ARMC6: variants seen among roughly 807,000 people sequenced by gnomAD.
The protein encoded by ARMC6 is armadillo repeat containing 6.
A neutral mutation model predicts 49.2 loss-of-function variants in ARMC6; 43 were observed. That is an observed-to-expected ratio of 0.87 (90% CI 0.69 to 1.13). The LOEUF (loss-of-function observed/expected upper bound fraction) is 1.13. Among genes scored for constraint, ARMC6 ranks in the 50% most tolerant of loss-of-function variants. The probability of loss-of-function intolerance (pLI) is 0.00; values close to 1 mark genes in which losing one functional copy is unlikely to be tolerated. For missense variants in ARMC6, 627 were observed against 682.0 expected (o/e 0.92, Z 0.90); for synonymous variants, 262 against 289.6 (o/e 0.90, Z 0.97).
rs2059559725 is a variant in ARMC6, at chr19:19,058,061, T to G, written c.*433T>G. On this transcript the variant is annotated 3_prime_UTR_variant, in exon 9 of 9. Coordinates refer to ENST00000535612, the MANE Select transcript of ARMC6 (RefSeq NM_001199196.2). ...TCATGCAGGCCTCTGCTCCTTGTCT[T>G]TCTTACCTGTAAAATGGGTCTCAGA... The G allele has an allele frequency of 3.8e-6, 1 of 263,360 alleles. No individual in the cohort carries two copies. The highest frequency in any genetic ancestry group is 4.0e-5 in the South Asian group (1 of 25,066). The allele number at this position is 263,360 out of a possible 1,614,324, so 16.3% of individuals were successfully genotyped here.
chr19:19,053,945 G>A (rs2059520956), intron 5 of ARMC6, among the ~76,000 whole-genome samples: 1 of 151,878 alleles, frequency 6.6e-6, no homozygotes, highest in Non-Finnish European at 1.5e-5. Context: ...GGGTTGGGGG[G>A]CACATTCTTA....
chr19:19,040,425 G>C (rs542182724), intron 2 of ARMC6, among the ~76,000 whole-genome samples: 6 of 152,146 alleles, frequency 3.9e-5, no homozygotes, highest in Non-Finnish European at 7.4e-5. Context: ...TTAAGTGCTA[G>C]GTTTTTTTTA....
Position 19,033,779 on chromosome 19 carries a change from C to G in ARMC6, c.-231C>G, listed in dbSNP as rs2059295075. 4.0e-6 allele frequency: 1 copy of G among 249,942 alleles called. No homozygotes were observed. The highest frequency in any genetic ancestry group is 7.7e-6 in the Non-Finnish European group (1 of 130,584). The allele number at this position is 249,942 out of a possible 1,614,324, so 15.5% of individuals were successfully genotyped here. A position where few individuals can be genotyped will look rare whatever the true frequency, so the allele number is the denominator to read the frequency against. On this transcript the variant is annotated 5_prime_UTR_variant, in exon 1 of 9. Transcript: ENST00000535612. ...GGCTTTACCTTGGTTCGCGGTCGTC[C>G]TTGGTTATCGTGAGCGTCCGCGAGT...
In ARMC6 at chr19:19,042,735, G is replaced by A. The variant is rs750236671; in HGVS notation, c.54G>A (p.Thr18=). Residue 18 remains threonine (T), a synonymous_variant, in exon 3 of 9, where the codon ACG becomes ACA. Coordinates refer to ENST00000535612, the MANE Select transcript of ARMC6 (RefSeq NM_001199196.2). ...GCTCAGGAGCATCTATCGGCTGCAC[G>A]CCAACATCAACACAGGCGAAGATGG... is the stretch of plus-strand genomic sequence containing the variant. ...RYSSGASIGC[T]PTSTQAKMVS... The A allele has an allele frequency of 3.7e-6, 6 of 1,613,070 alleles. No individual in the cohort carries two copies. Among genetic ancestry groups the A allele is most frequent in the South Asian group, 3.3e-5 (3 of 91,080 alleles).
At chr19:19,050,371 C>T (rs79101888) in intron 4 of ARMC6, among the ~76,000 whole-genome samples, 3,574 of 152,248 alleles carry the variant, frequency 0.023, 135 homozygotes, top group African/African-American at 0.082. Flanking sequence ...TGATGGGTCA[C>T]ACAGTAATTC....
chr19:19,037,980 A>G (rs1322042160), intron 2 of ARMC6, among the ~76,000 whole-genome samples: 1 of 152,160 alleles, frequency 6.6e-6, no homozygotes, highest in African/African-American at 2.4e-5. Context: ...CTTCATCTGT[A>G]TTTACAGCAA....
chr19:19,047,295 A>G (rs1281177317), intron 4 of ARMC6, among the ~76,000 whole-genome samples: 1 of 152,048 alleles, frequency 6.6e-6, no homozygotes. Context: ...CCCCTTCTCA[A>G]ATGCCCTGCA....
At chr19:19,043,927 C>A (rs2059429196) in intron 3 of ARMC6, 65 bp from the exon 4 acceptor site, 2 of 1,484,386 alleles carry the variant, frequency 1.3e-6, no homozygotes, top group Non-Finnish European at 1.9e-6. Context: ...CCAGCAGGCC[C>A]ACGGGGATGA....
intron 2 of ARMC6, among the ~76,000 whole-genome samples, chr19:19,034,962 G>GGCCATTCT (rs2059340494): frequency 6.8e-6 from 1 of 147,714 alleles, no homozygotes; most frequent in South Asian, 2.2e-4. Context: ...CCTGGGTTCA[G>GGCCATTCT]GCCATTCTCC....
intron 4 of ARMC6, among the ~76,000 whole-genome samples, chr19:19,045,233 G>A (rs899953663): frequency 3.3e-5 from 5 of 151,994 alleles, no homozygotes; most frequent in African/African-American, 4.8e-5. Context: ...GGCTGGTCTC[G>A]AACTCCTGAC....
At chr19:19,056,048 T>C in intron 8 of ARMC6, 120 bp downstream of exon 8, 1 of 1,185,198 alleles carries the variant, frequency 8.4e-7, no homozygotes, top group South Asian at 1.9e-5. Context: ...TCAGTCCCTA[T>C]CCCTATCCCT....
intron 4 of ARMC6, among the ~76,000 whole-genome samples, chr19:19,044,948 CGTT>C (rs2059437412): frequency 6.6e-6 from 1 of 152,272 alleles, no homozygotes; most frequent in East Asian, 1.9e-4. Flanking sequence ...AAAATTGCCT[CGTT>C]GTTGTTAGTT....
chr19:19,045,766 C>T (rs1324438968), intron 4 of ARMC6, among the ~76,000 whole-genome samples: 1 of 151,932 alleles, frequency 6.6e-6, no homozygotes, highest in Admixed American at 6.6e-5. Flanking sequence ...ATTCTCCTGC[C>T]TCAGCCTCCC....
At chr19:19,042,925 G>C in intron 3 of ARMC6, 48 bp downstream of exon 3, 1 of 1,605,344 alleles carries the variant, frequency 6.2e-7, no homozygotes, top group Non-Finnish European at 8.5e-7. Context: ...TTAGATGCAA[G>C]AGCAGTGGGA....
Position 19,044,071 on chromosome 19 carries a change from G to A in ARMC6, c.276G>A (p.Leu92=). ...DGSQEPTHDI[L]QMLSDLQESV... ...CCCAGGAGCCCACACATGACATCCT[G>A]CAGGTAGGAGTGGGCATCCCACACA... Residue 92 remains leucine, a synonymous_variant, in exon 4 of 9, where the codon CTG becomes CTA. Coordinates refer to ENST00000535612, the MANE Select transcript of ARMC6 (RefSeq NM_001199196.2). 6.2e-7 allele frequency: 1 copy of A among 1,613,986 alleles called. No individual in the cohort carries two copies.
chr19:19,034,569 G>A (rs1035742391), intron 2 of ARMC6, among the ~76,000 whole-genome samples: 2 of 151,994 alleles, frequency 1.3e-5, no homozygotes, highest in Non-Finnish European at 2.9e-5. Flanking sequence ...GTCTTTTAGA[G>A]TCCCCAGCAT....
intron 2 of ARMC6, 45 bp downstream of exon 2, chr19:19,034,283 G>C: frequency 1.9e-6 from 3 of 1,582,372 alleles, no homozygotes; most frequent in South Asian, 2.3e-5. Flanking sequence ...CGGGAAAGCA[G>C]GGCTGCTCTT....
At chr19:19,034,356 G>A in intron 2 of ARMC6, 118 bp downstream of exon 2, 1 of 1,299,290 alleles carries the variant, frequency 7.7e-7, no homozygotes, top group Non-Finnish European at 1.1e-6. Context: ...AGGCGGGGAA[G>A]AGGAACTTGG....
At chr19:19,042,689 T>C in intron 2 of ARMC6, 22 bp from the exon 3 acceptor site, 1 of 1,610,258 alleles carries the variant, frequency 6.2e-7, no homozygotes, top group Non-Finnish European at 8.5e-7. Flanking sequence ...GAGGTAGCTC[T>C]CTCTTTGCCC....
Sources: gnomAD v4.1 joint callset for allele counts (sites outside exome capture counted in the v4.1 genomes callset) on GRCh38, gnomAD v4.1.1 for gene constraint, MANE v1.5 for transcripts, NCBI Gene and HGNC (gene_info 2026-07-23, HGNC 2026-07-21) for gene names.